The following CNTNAP2 variants were observed in gnomAD, a reference collection of about 807,000 sequenced individuals.
CNTNAP2 encodes the protein contactin-associated protein-like 2.
A neutral mutation model predicts 155.2 loss-of-function variants in CNTNAP2; 98 were observed. The observed-to-expected ratio is 0.63, with a 90% CI of 0.54 to 0.75. The LOEUF (loss-of-function observed/expected upper bound fraction) is 0.75. CNTNAP2 is among the 30% of genes least tolerant of loss of function. The pLI is 0.00. For missense variants in CNTNAP2, 1,727 were observed against 1,688.1 expected, an observed-to-expected ratio of 1.02 and a Z score of -0.40; for synonymous variants, 651 against 631.2, an observed-to-expected ratio of 1.03 and a Z score of -0.47.
chr7:148,044,808 G>A (rs1327650279), intron 15 of CNTNAP2: 1 of 152,350 alleles, frequency 6.6e-6, no homozygotes, highest in Admixed American at 6.5e-5. Flanking sequence ...TCTGTGTCTA[G>A]TGTATGTTTT....
intron 13 of CNTNAP2, among the ~76,000 whole-genome samples, chr7:147,790,362 G>C (rs1475028918): frequency 5.3e-5 from 8 of 152,054 alleles, no homozygotes; most frequent in Non-Finnish European, 7.4e-5. Flanking sequence ...GCTTACTACT[G>C]TCTCCTTAAT....
intron 3 of CNTNAP2, chr7:146,962,892 G>C (rs1180457450): frequency 2.0e-5 from 3 of 152,176 alleles, no homozygotes; most frequent in African/African-American, 7.2e-5. Flanking sequence ...AAAGATAATT[G>C]AGTTCAACAT....
At chr7:146,300,194 C>T (rs956628060) in intron 1 of CNTNAP2, among the ~76,000 whole-genome samples, 4 of 152,048 alleles carry the variant, frequency 2.6e-5, no homozygotes, top group African/African-American at 9.7e-5. Context: ...ATATAACAAT[C>T]CACATGTAGA....
intron 2 of CNTNAP2, among the ~76,000 whole-genome samples, chr7:146,779,934 A>G (rs2372765): frequency 0.16 from 24,983 of 152,168 alleles, 2,391 homozygotes; most frequent in South Asian, 0.3. Flanking sequence ...GATCTCTTGA[A>G]GTTTCTACGT....
At chr7:147,168,359 A>T (rs1460141264) in intron 8 of CNTNAP2, among the ~76,000 whole-genome samples, 1 of 151,936 alleles carries the variant, frequency 6.6e-6, no homozygotes, top group East Asian at 1.9e-4. Context: ...AGAGCTTGGT[A>T]TGTCAGAGAT....
intron 2 of CNTNAP2, among the ~76,000 whole-genome samples, chr7:146,806,522 G>A (rs867702216): frequency 2.6e-5 from 4 of 151,524 alleles, no homozygotes; most frequent in African/African-American, 4.8e-5. Flanking sequence ...AAAGAAAATC[G>A]GGTACCATCC....
intron 3 of CNTNAP2, among the ~76,000 whole-genome samples, chr7:146,861,483 A>G (rs1337521707): frequency 6.6e-6 from 1 of 152,184 alleles, no homozygotes. Flanking sequence ...AGTGAAGAAT[A>G]AAGTATTATA....
At chr7:147,581,489 A>G (rs1584829562) in intron 12 of CNTNAP2, among the ~76,000 whole-genome samples, 1 of 152,230 alleles carries the variant, frequency 6.6e-6, no homozygotes, top group Non-Finnish European at 1.5e-5. Flanking sequence ...TCACTGGAAT[A>G]AGTACATAGC....
intron 1 of CNTNAP2, among the ~76,000 whole-genome samples, chr7:146,748,206 T>TG (rs1801843803): frequency 6.9e-6 from 1 of 145,314 alleles, no homozygotes; most frequent in Admixed American, 7.1e-5. Flanking sequence ...AGTACAGTGG[T>TG]CGAATCTCAG....
At chr7:148,093,394 C>T (rs992617681) in intron 15 of CNTNAP2, among the ~76,000 whole-genome samples, 5 of 152,150 alleles carry the variant, frequency 3.3e-5, no homozygotes, top group African/African-American at 1.2e-4. Context: ...ACTGTAGAAA[C>T]CTTCTCTGAT....
chr7:148,189,577 C>G (rs1282617783), intron 18 of CNTNAP2, among the ~76,000 whole-genome samples: 1 of 152,150 alleles, frequency 6.6e-6, no homozygotes, highest in Non-Finnish European at 1.5e-5. Flanking sequence ...TCTCTTTGCC[C>G]TTCTGCCATG....
chr7:146,732,823 A>C (rs948238023), intron 1 of CNTNAP2, among the ~76,000 whole-genome samples: 7 of 152,128 alleles, frequency 4.6e-5, no homozygotes, highest in African/African-American at 1.7e-4. Context: ...ATTACTTGTA[A>C]TACCTAATAC....
intron 14 of CNTNAP2, among the ~76,000 whole-genome samples, chr7:147,921,333 T>A (rs1004803804): frequency 6.6e-6 from 1 of 152,206 alleles, no homozygotes; most frequent in African/African-American, 2.4e-5. Context: ...ATGATCCAGA[T>A]AACCTCTTCT....
intron 14 of CNTNAP2, among the ~76,000 whole-genome samples, chr7:147,933,373 A>G (rs1800541871): frequency 6.6e-6 from 1 of 152,160 alleles, no homozygotes; most frequent in Non-Finnish European, 1.5e-5. Flanking sequence ...TATGGACCCC[A>G]TGTTCACTGC....
intron 1 of CNTNAP2, among the ~76,000 whole-genome samples, chr7:146,692,244 C>T (rs769502118): frequency 2.6e-5 from 4 of 152,156 alleles, no homozygotes; most frequent in Non-Finnish European, 4.4e-5. Flanking sequence ...AGAGACCTGT[C>T]ACAGTGGTGA....
At chr7:147,715,685 T>C (rs952288439) in intron 13 of CNTNAP2, among the ~76,000 whole-genome samples, 2 of 152,146 alleles carry the variant, frequency 1.3e-5, no homozygotes, top group Non-Finnish European at 2.9e-5. Flanking sequence ...AGAATACTTT[T>C]TTTTTATTTT....
chr7:147,136,163 G>A (rs1161410413), intron 8 of CNTNAP2, among the ~76,000 whole-genome samples: 2 of 151,758 alleles, frequency 1.3e-5, no homozygotes, highest in Non-Finnish European at 2.9e-5. Flanking sequence ...ATGTGATTCA[G>A]CATTTATTAT....
At chr7:147,503,282 G>A (rs141287698) in intron 11 of CNTNAP2, among the ~76,000 whole-genome samples, 2 of 152,184 alleles carry the variant, frequency 1.3e-5, no homozygotes, top group African/African-American at 2.4e-5. Context: ...GGGTGTTTCT[G>A]TCTCTGTCCC....
At chr7:146,151,632 C>G (rs531132392) in intron 1 of CNTNAP2, among the ~76,000 whole-genome samples, 1 of 76,160 alleles carries the variant, frequency 1.3e-5, no homozygotes, top group African/African-American at 4.2e-5. Flanking sequence ...ACAAAGAAAA[C>G]GTGATATATA....
Sources: allele counts gnomAD v4.1 joint callset (sites outside exome capture counted in the v4.1 genomes callset), GRCh38; gene constraint gnomAD v4.1.1; transcripts MANE v1.5; gene names NCBI Gene and HGNC (gene_info 2026-07-23, HGNC 2026-07-21).